NLE1: variants seen among roughly 807,000 people sequenced by gnomAD.
NLE1 encodes the protein notchless homolog 1.
NLE1 carries 37 observed loss-of-function variants against 62.8 expected under a neutral mutation model. The observed-to-expected ratio is 0.59, with a 90% CI of 0.45 to 0.78. NLE1 has a LOEUF of 0.78. Ranked by LOEUF, NLE1 falls within the 30% of genes least tolerant of loss-of-function variation. NLE1 has a pLI of 0.00. For missense variants in NLE1, 555 were observed against 637.9 expected (o/e 0.87, Z 1.40); for synonymous variants, 243 against 253.0 (o/e 0.96, Z 0.37).
chr17:35,130,594 T>C lies in NLE1; in HGVS notation c.*1843A>G, dbSNP rs2091871285. On this transcript the variant is annotated 3_prime_UTR_variant, in exon 13 of 13. Transcript: ENST00000442241. ...CCCCTGGGCTGGGGCCAAGGCTACATAGGGGCCCCATTCACCTGGAGGCAT... is the reference window on the plus strand; with the variant it reads ...CCCCTGGGCTGGGGCCAAGGCTACACAGGGGCCCCATTCACCTGGAGGCAT... The C allele has an allele frequency of 1.1e-5, 8 of 751,746 alleles. No homozygotes were observed. Among genetic ancestry groups the C allele is most frequent in the Admixed American group, 3.0e-5 (1 of 33,190 alleles). The allele number at this position is 751,746 out of a possible 1,614,324, so 46.6% of individuals were successfully genotyped here. A position where few individuals can be genotyped will look rare whatever the true frequency, so the allele number is the denominator to read the frequency against.
chr17:35,136,498 C>A lies in NLE1; in HGVS notation c.829-1G>T, dbSNP rs1211380666. On this transcript the variant is annotated splice_acceptor_variant, in intron 7 of 12. Transcript: ENST00000442241. LOFTEE classifies it high-confidence loss of function. Reference sequence around the variant, plus strand: ...CTTGCAGAGTCCGGCACAGCACACCCTACGGGAGAGCGAGTCAGGTCAGAC... The same window carrying A: ...CTTGCAGAGTCCGGCACAGCACACCATACGGGAGAGCGAGTCAGGTCAGAC... 2 of 1,609,038 alleles carry A rather than the reference C, an allele frequency of 1.2e-6. No individual in the cohort carries two copies. The highest frequency in any genetic ancestry group is 1.7e-6 in the Non-Finnish European group (2 of 1,176,214).
intron 12 of NLE1, 82 bp from the exon 13 acceptor site, chr17:35,132,531 G>A (rs911768926): frequency 1.7e-5 from 20 of 1,195,276 alleles, no homozygotes; most frequent in Middle Eastern, 2.1e-4. Context: ...GTCAACAGAC[G>A]GACGGCCTGT....
chr17:35,142,221 G>A (rs772769516), intron 1 of NLE1, 37 bp downstream of exon 1: 8 of 1,562,038 alleles, frequency 5.1e-6, no homozygotes, highest in South Asian at 2.3e-5. Flanking sequence ...CTAGCGCCCC[G>A]CGGCGACGCC....
chr17:35,132,452 G>A lies in NLE1; in HGVS notation c.1446-3C>T. ...TCGGGCCGTCTCATCTCCTCCATCT[G>A]TGGAGAAGGGAAGGGTGTCAGGATG... On this transcript the variant is annotated splice_region_variant and splice_polypyrimidine_tract_variant and intron_variant, in intron 12 of 12. Coordinates refer to ENST00000442241, the MANE Select transcript of NLE1 (RefSeq NM_018096.5). 1 of 1,405,406 alleles carries A rather than the reference G, an allele frequency of 7.1e-7. No homozygotes were observed. The highest frequency in any genetic ancestry group is 1.9e-4 in the Middle Eastern group (1 of 5,250). The allele number at this position is 1,405,406 out of a possible 1,614,324, so 87.1% of individuals were successfully genotyped here.
At position 35,135,304 on chromosome 17, in the gene NLE1, C is replaced by T. The variant is rs775642905; in HGVS notation, c.1159G>A (p.Val387Met). The T allele has an allele frequency of 1.5e-5, 25 of 1,614,068 alleles. No homozygotes were observed. In the East Asian group the frequency reaches 2.2e-4, roughly 14 times the overall value. Residue 387 changes from valine (V) to methionine (M), a missense_variant, in exon 10 of 13, where the codon GTG becomes ATG. Val to Met is a conservative substitution (Grantham distance 21). Coordinates refer to ENST00000442241, the MANE Select transcript of NLE1 (RefSeq NM_018096.5). ...QVLFSPDSRIVASASFDKSIK... is the reference protein window; with the variant it reads ...QVLFSPDSRIMASASFDKSIK... ...GACTTGTCAAAGGAGGCACTAGCCA[C>T]GATGCGGGAGTCAGGAGAGAAGAGC...
rs1356432661 is a variant in NLE1 at position 35,129,180 on chromosome 17, A to G, written c.*3257T>C. On this transcript the variant is annotated 3_prime_UTR_variant, in exon 13 of 13. Coordinates refer to ENST00000442241, the MANE Select transcript of NLE1 (RefSeq NM_018096.5). ...CCCAAGGGTTGAGGACCCCTGGCGT[A>G]TAAGAAATATGGAATGAGGGTGTAC... 2.1e-6 allele frequency: 1 copy of G among 473,718 alleles called. No individual in the cohort carries two copies. Among genetic ancestry groups the G allele is most frequent in the Non-Finnish European group, 3.8e-6 (1 of 260,402 alleles). 29.3% of individuals were successfully genotyped at this position (473,718 alleles called of 1,614,324 possible). A position where few individuals can be genotyped will look rare whatever the true frequency, so the allele number is the denominator to read the frequency against.
Position 35,130,096 on chromosome 17 carries a change from CATA to C in NLE1, c.*2338_*2340del. The C allele has an allele frequency of 7.0e-7, 1 of 1,426,486 alleles. No individual in the cohort carries two copies. Among genetic ancestry groups the C allele is most frequent in the Non-Finnish European group, 9.1e-7 (1 of 1,095,578 alleles). 88.4% of individuals were successfully genotyped at this position (1,426,486 alleles called of 1,614,324 possible). ...GACAGCCCTTTGGTTGGAAATATCC[CATA>C]ATGAGGAGGTACAGGCTTGAGTCAT... On this transcript the variant is annotated 3_prime_UTR_variant, in exon 13 of 13. Transcript: ENST00000442241.
At position 35,132,263 on chromosome 17, in the gene NLE1, G is replaced by T; in HGVS notation, c.*174C>A. On this transcript the variant is annotated 3_prime_UTR_variant, in exon 13 of 13. Transcript: ENST00000442241. ...GGCTCTGGGGTGTGCCACAGGCGGG[G>T]ATCTGTGGGAAAACCCCATTCCGGT... 2.2e-6 allele frequency: 1 copy of T among 448,774 alleles called. No homozygotes were observed. Among genetic ancestry groups the T allele is most frequent in the Non-Finnish European group, 3.8e-6 (1 of 263,522 alleles). 27.8% of individuals were successfully genotyped at this position (448,774 alleles called of 1,614,324 possible).
In NLE1 at chr17:35,137,144, G is replaced by A. The variant is rs748512588; in HGVS notation, c.685C>T (p.Arg229Trp). 56 of 1,613,004 alleles carry A rather than the reference G, an allele frequency of 3.5e-5. No homozygotes were observed. The highest frequency in any genetic ancestry group is 2.7e-4 in the South Asian group (25 of 91,032). The change falls in exon 7 of 13, where the codon CGG becomes TGG. Residue 229 changes from arginine (R) to tryptophan (W), a missense_variant. Transcript: ENST00000442241. The stretch of plus-strand genomic sequence containing the variant: ...CGGCCTGCAGTTGTGTCCCAGATCC[G>A]CACACTGCCATCCTTGGAGCTGCTG... ...VASSSKDGSV[R>W]IWDTTAGRCE...
chr17:35,137,317 C>T (rs530185110), intron 6 of NLE1, 124 bp from the exon 7 acceptor site: 29 of 971,804 alleles, frequency 3.0e-5, no homozygotes, highest in Admixed American at 2.7e-4. Flanking sequence ...CACCAAGACC[C>T]GGCTGCACTG....
Position 35,130,664 on chromosome 17 carries a change from A to G in NLE1, c.*1773T>C, listed in dbSNP as rs2091871645. On this transcript the variant is annotated 3_prime_UTR_variant, in exon 13 of 13. Transcript: ENST00000442241. ...GGCTCAGCCACTGCCCACAGCTGCTAGACTCCCTCCTCCTCCAAATCTGGG... is the reference window on the plus strand; with the variant it reads ...GGCTCAGCCACTGCCCACAGCTGCTGGACTCCCTCCTCCTCCAAATCTGGG... The G allele has an allele frequency of 1.9e-6, 1 of 535,882 alleles. No individual in the cohort carries two copies. Among genetic ancestry groups the G allele is most frequent in the East Asian group, 3.1e-5 (1 of 31,974 alleles). The allele number at this position is 535,882 out of a possible 1,614,324, so 33.2% of individuals were successfully genotyped here. A position where few individuals can be genotyped will look rare whatever the true frequency, so the allele number is the denominator to read the frequency against.
In NLE1 at chr17:35,136,504, G is replaced by C. The variant is rs545727832; in HGVS notation, c.829-7C>G. The C allele has an allele frequency of 6.2e-7, 1 of 1,608,462 alleles. No homozygotes were observed. The highest frequency in any genetic ancestry group is 1.7e-5 in the Admixed American group (1 of 59,894). On this transcript the variant is annotated splice_region_variant and splice_polypyrimidine_tract_variant and intron_variant, in intron 7 of 12. Coordinates refer to ENST00000442241, the MANE Select transcript of NLE1 (RefSeq NM_018096.5). Reference sequence around the variant, plus strand: ...GAGTCCGGCACAGCACACCCTACGGGAGAGCGAGTCAGGTCAGACACACAC... The same window carrying C: ...GAGTCCGGCACAGCACACCCTACGGCAGAGCGAGTCAGGTCAGACACACAC...
intron 6 of NLE1, 62 bp downstream of exon 6, chr17:35,137,481 A>C: frequency 7.4e-7 from 1 of 1,356,112 alleles, no homozygotes; most frequent in Non-Finnish European, 1.0e-6. Context: ...TGCATTGGGC[A>C]GGGAAAGGGG....
In NLE1 at chr17:35,133,127, G is replaced by A. The variant is rs1431774478; in HGVS notation, c.1445+44C>T. On this transcript the variant is annotated intron_variant, in intron 12 of 12. Coordinates refer to ENST00000442241, the MANE Select transcript of NLE1 (RefSeq NM_018096.5). ...AAGTGTGCACAGAAGGACCTTAGGG[G>A]TAGGAGGGCTGTGTATGCCAACCAC... The A allele has an allele frequency of 3.8e-6, 6 of 1,562,496 alleles. No homozygotes were observed. In the East Asian group the frequency reaches 1.3e-4, roughly 35 times the overall value.
chr17:35,141,003 A>G (rs1474337014), intron 2 of NLE1, among the ~76,000 whole-genome samples: 1 of 152,222 alleles, frequency 6.6e-6, no homozygotes, highest in Non-Finnish European at 1.5e-5. Context: ...TCAATGTCCT[A>G]TTGCCAATGA....
At chr17:35,136,672 A>C (rs2091910839) in intron 7 of NLE1, among the ~76,000 whole-genome samples, 175 bp from the exon 8 acceptor site, 1 of 152,234 alleles carries the variant, frequency 6.6e-6, no homozygotes, top group Admixed American at 6.5e-5. Flanking sequence ...AGTCCAGATC[A>C]TGAAAATGTT....
At chr17:35,141,624 A>G (rs1003318251) in intron 2 of NLE1, among the ~76,000 whole-genome samples, 1 of 152,112 alleles carries the variant, frequency 6.6e-6, no homozygotes, top group Non-Finnish European at 1.5e-5. Flanking sequence ...TTGGGTTCCA[A>G]TTCCAAATCT....
Position 35,129,553 on chromosome 17 carries a change from G to A in NLE1, c.*2884C>T. The A allele has an allele frequency of 6.2e-7, 1 of 1,614,180 alleles. No individual in the cohort carries two copies. The highest frequency in any genetic ancestry group is 8.5e-7 in the Non-Finnish European group (1 of 1,180,046). ...GTCCATGGATCTTCAACAAGATTTT[G>A]GGCACTACTGTCAAGCTGATGGAGC... On this transcript the variant is annotated 3_prime_UTR_variant, in exon 13 of 13. Transcript: ENST00000442241.
At chr17:35,134,257 G>A (rs1025269893) in intron 10 of NLE1, among the ~76,000 whole-genome samples, 19 of 152,198 alleles carry the variant, frequency 1.2e-4, no homozygotes, top group South Asian at 2.1e-4. Flanking sequence ...TGCTGATGCC[G>A]CTGGTCTGTG....
Sources: allele counts gnomAD v4.1 joint callset (sites outside exome capture counted in the v4.1 genomes callset), GRCh38; gene constraint gnomAD v4.1.1; transcripts MANE v1.5; gene names NCBI Gene and HGNC (gene_info 2026-07-23, HGNC 2026-07-21).